IGSF5: variants seen among roughly 807,000 people sequenced by gnomAD.
The protein encoded by IGSF5 is immunoglobulin superfamily member 5, also known as immunoglobulin superfamily 5 like.
In IGSF5, 41 loss-of-function variants were observed where a neutral mutation model predicts 39.4. The ratio of observed to expected loss-of-function variants is 1.04; its 90% CI spans 0.81 to 1.35. IGSF5 has a LOEUF of 1.35. Among genes scored for constraint, IGSF5 ranks in the 40% most tolerant of loss-of-function variants. The probability of loss-of-function intolerance (pLI) is 0.00; values close to 1 mark genes in which losing one functional copy is unlikely to be tolerated. For missense variants in IGSF5, 487 were observed against 494.6 expected, an observed-to-expected ratio of 0.98 and a Z score of 0.15; for synonymous variants, 183 against 175.3, an observed-to-expected ratio of 1.04 and a Z score of -0.34.
chr21:39,791,008 G>A (rs577616556), intron 6 of IGSF5, among the ~76,000 whole-genome samples: 1 of 152,314 alleles, frequency 6.6e-6, no homozygotes, highest in South Asian at 2.1e-4. Context: ...TTTTATATCA[G>A]AGACTTGAGC....
chr21:39,765,613 G>C lies in IGSF5; in HGVS notation c.179G>C (p.Cys60Ser). ...AAGGGCTCCCAGGCTCGCTTCAACTGCACCGTCTCCCAGGGCTGGAAGCTC... is the reference window on the plus strand; with the variant it reads ...AAGGGCTCCCAGGCTCGCTTCAACTCCACCGTCTCCCAGGGCTGGAAGCTC... ...VLKGSQARFNCTVSQGWKLIM... is the reference protein window; with the variant it reads ...VLKGSQARFNSTVSQGWKLIM... The change falls in exon 3 of 9, where the codon TGC (cysteine) becomes TCC (serine). Residue 60 changes from cysteine (C) to serine (S), a missense_variant. Physicochemically the swap from Cys to Ser is moderately radical, Grantham distance 112. Transcript: ENST00000380588. 6.2e-7 allele frequency: 1 copy of C among 1,614,116 alleles called. No individual in the cohort carries two copies. The highest frequency in any genetic ancestry group is 8.5e-7 in the Non-Finnish European group (1 of 1,179,988).
the IGSF5 span, chr21:39,729,231 G>C: frequency 6.6e-6 from 1 of 152,204 alleles, no homozygotes; most frequent in South Asian, 2.1e-4. Flanking sequence ...GTGGCTTAAC[G>C]CCACTTCCAC....
At chr21:39,786,997 T>C (rs1601139462) in intron 5 of IGSF5, among the ~76,000 whole-genome samples, 1 of 152,144 alleles carries the variant, frequency 6.6e-6, no homozygotes, top group African/African-American at 2.4e-5. Context: ...CTGGGAGATA[T>C]ACCTATTGCT....
chr21:39,755,883 CA>C (rs1224987933), intron 2 of IGSF5, among the ~76,000 whole-genome samples: 1 of 151,998 alleles, frequency 6.6e-6, no homozygotes, highest in East Asian at 1.9e-4. Context: ...GCAGGCGGAT[CA>C]CCTGAGGTCA....
the IGSF5 span, among the ~76,000 whole-genome samples, chr21:39,712,493 T>A: frequency 1.3e-5 from 2 of 152,108 alleles, no homozygotes. Flanking sequence ...CCTTCCAGAC[T>A]GGCTGGTTGG....
chr21:39,759,861 C>T (rs1469676485), intron 2 of IGSF5, among the ~76,000 whole-genome samples: 1 of 135,516 alleles, frequency 7.4e-6, no homozygotes, highest in Non-Finnish European at 1.5e-5. Context: ...AGCAAGACTC[C>T]GTCTCAAAAA....
At chr21:39,794,957 G>A (rs1360601718) in intron 8 of IGSF5, among the ~76,000 whole-genome samples, 1 of 152,108 alleles carries the variant, frequency 6.6e-6, no homozygotes, top group East Asian at 1.9e-4. Flanking sequence ...GCCTGTAGGG[G>A]GGAAGGGAGT....
Position 39,764,496 on chromosome 21 carries a change from C to A in IGSF5, c.101-1039C>A, listed in dbSNP as rs187090187. Among the ~76,000 whole-genome samples the A allele has an allele frequency of 1.2e-4, 19 of 152,294 alleles. No homozygotes were observed. In the East Asian group the frequency reaches 3.7e-3, roughly 29 times the overall value. ...CTGGGCTTACAGGGATCCACAACCA[C>A]GCCTGGCTAATTTTTGTATTTTCAG... On this transcript the variant is annotated intron_variant, in intron 2 of 8. Coordinates refer to ENST00000380588, the MANE Select transcript of IGSF5 (RefSeq NM_001080444.2).
chr21:39,771,340 T>A, intron 4 of IGSF5, 125 bp downstream of exon 4: 1 of 792,046 alleles, frequency 1.3e-6, no homozygotes, highest in Non-Finnish European at 1.9e-6. Context: ...TGGGTGGGGA[T>A]GATAAGGCCA....
chr21:39,725,881 T>C, the IGSF5 span: 5 of 152,030 alleles, frequency 3.3e-5, no homozygotes, highest in African/African-American at 1.2e-4. Context: ...TGGCTGCGGG[T>C]GACTGATGGA....
chr21:39,793,654 T>A, intron 8 of IGSF5, 41 bp downstream of exon 8: 1 of 1,516,282 alleles, frequency 6.6e-7, no homozygotes, highest in South Asian at 1.1e-5. Context: ...CTTTTTTGGC[T>A]ATTTAAAAAT....
chr21:39,717,673 G>A, the IGSF5 span, among the ~76,000 whole-genome samples: 1 of 152,090 alleles, frequency 6.6e-6, no homozygotes, highest in Admixed American at 6.6e-5. Context: ...TTATTTCTGG[G>A]CTCTCTATTC....
intron 5 of IGSF5, among the ~76,000 whole-genome samples, chr21:39,786,126 G>A (rs2086917889): frequency 6.6e-6 from 1 of 151,628 alleles, no homozygotes; most frequent in African/African-American, 2.4e-5. Flanking sequence ...TTAAACTAAA[G>A]AGCTTCTGCA....
the IGSF5 span, among the ~76,000 whole-genome samples, chr21:39,723,770 G>A: frequency 6.6e-6 from 1 of 152,132 alleles, no homozygotes; most frequent in East Asian, 1.9e-4. Flanking sequence ...CATCTTCTTT[G>A]TAAAAAAATA....
At chr21:39,727,993 G>GT in the IGSF5 span, 5 of 152,174 alleles carry the variant, frequency 3.3e-5, no homozygotes, top group Non-Finnish European at 7.3e-5. Flanking sequence ...AAAAATGCTG[G>GT]TAAGTAAAGG....
chr21:39,759,994 G>T (rs1305387795), intron 2 of IGSF5, among the ~76,000 whole-genome samples: 2 of 152,078 alleles, frequency 1.3e-5, no homozygotes, highest in Non-Finnish European at 2.9e-5. Context: ...GCTCCTGAGG[G>T]TCCATCCCAA....
At chr21:39,729,012 T>C in the IGSF5 span, 10 of 152,214 alleles carry the variant, frequency 6.6e-5, no homozygotes, top group Non-Finnish European at 1.5e-4. Context: ...TTACTTTCTC[T>C]GTAGGTTCCA....
the IGSF5 span, among the ~76,000 whole-genome samples, chr21:39,714,806 AC>A: frequency 6.6e-6 from 1 of 152,142 alleles, no homozygotes; most frequent in South Asian, 2.1e-4. Context: ...ATCTGCAATG[AC>A]CCTTTTTTCA....
chr21:39,778,654 T>A (rs1386021190), intron 4 of IGSF5, among the ~76,000 whole-genome samples: 1 of 152,230 alleles, frequency 6.6e-6, no homozygotes. Flanking sequence ...CTCTGGGCGC[T>A]GGACTCTCAA....
Sources: gnomAD v4.1 joint callset for allele counts (sites outside exome capture counted in the v4.1 genomes callset) on GRCh38, gnomAD v4.1.1 for gene constraint, MANE v1.5 for transcripts, NCBI Gene and HGNC (gene_info 2026-07-23, HGNC 2026-07-21) for gene names.